The following HP1BP3 variants were observed in gnomAD, a reference collection of about 807,000 sequenced individuals.
The protein encoded by HP1BP3 is heterochromatin protein 1-binding protein 3.
Under a neutral mutation model 62.5 loss-of-function variants are expected in HP1BP3, and 12 were observed. The ratio of observed to expected loss-of-function variants is 0.19; its 90% CI spans 0.12 to 0.31. The LOEUF is 0.31. Among genes scored for constraint, HP1BP3 ranks in the 10% least tolerant of loss-of-function variants. HP1BP3 has a pLI of 1.00. For missense variants in HP1BP3, 502 were observed against 651.8 expected, an observed-to-expected ratio of 0.77 and a Z score of 2.50; for synonymous variants, 260 against 237.8, an observed-to-expected ratio of 1.09 and a Z score of -0.86.
rs2057495517 is a variant in HP1BP3, at chr1:20,780,473, C to T, written c.-33G>A. ...AATTTCTAGGCCCGAGTACAGGTTA[C>T]ACTCTGAAGCCTCTGCTGTTAACCA... On this transcript the variant is annotated 5_prime_UTR_variant, in exon 2 of 13. Coordinates refer to ENST00000438032, the MANE Select transcript of HP1BP3 (RefSeq NM_001372052.1). 1.4e-6 allele frequency: 2 copies of T among 1,428,686 alleles called. No individual in the cohort carries two copies. Among genetic ancestry groups the T allele is most frequent in the African/African-American group, 2.8e-5 (2 of 71,350 alleles). 88.5% of individuals were successfully genotyped at this position (1,428,686 alleles called of 1,614,324 possible).
At chr1:20,778,901 T>C (rs992067658) in intron 3 of HP1BP3, among the ~76,000 whole-genome samples, 1 of 152,040 alleles carries the variant, frequency 6.6e-6, no homozygotes, top group African/African-American at 2.4e-5. Flanking sequence ...GCAATTCTTG[T>C]GCCTCAGCCT....
chr1:20,744,997 G>A lies in HP1BP3; in HGVS notation c.1462C>T (p.Arg488Trp), dbSNP rs768170754. 17 of 1,614,158 alleles carry A rather than the reference G, an allele frequency of 1.1e-5. No homozygotes were observed. Among genetic ancestry groups the A allele is most frequent in the Admixed American group, 1.7e-5 (1 of 60,020 alleles). The change falls in exon 13 of 13, where the codon CGG becomes TGG. Residue 488 changes from arginine (R) to tryptophan (W), a missense_variant. Arg to Trp is a moderately radical substitution (Grantham distance 101). This residue lies in a region of HP1BP3 where 194 missense variants were observed against 207.0 expected (regional missense o/e 0.94). Transcript: ENST00000438032. ...TTAGGCAAGGGCCTAGCTTTCCCCC[G>A]CTGGGCAGCTGAGACTTTAGGTGCA... ...KPAPKVSAAQ[R>W]GKARPLPKKA...
intron 8 of HP1BP3, among the ~76,000 whole-genome samples, chr1:20,758,629 A>C (rs1288675047): frequency 1.3e-5 from 2 of 148,178 alleles, no homozygotes; most frequent in Non-Finnish European, 3.0e-5. Flanking sequence ...TACAGGTGTG[A>C]GCCACCACAC....
intron 8 of HP1BP3, among the ~76,000 whole-genome samples, chr1:20,761,541 A>AACAG (rs145245422): frequency 6.6e-6 from 1 of 152,048 alleles, no homozygotes; most frequent in Non-Finnish European, 1.5e-5. Context: ...AGTGGGGATC[A>AACAG]TTAAATGTTT....
At chr1:20,765,346 A>G (rs1178752204) in intron 8 of HP1BP3, 31 bp downstream of exon 8, 6 of 1,489,994 alleles carry the variant, frequency 4.0e-6, no homozygotes. Context: ...GTAACACATC[A>G]TGTTTTAAAG....
intron 3 of HP1BP3, among the ~76,000 whole-genome samples, chr1:20,778,309 C>A (rs934309813): frequency 6.6e-6 from 1 of 152,150 alleles, no homozygotes; most frequent in African/African-American, 2.4e-5. Flanking sequence ...ATAGAGTTTA[C>A]AAAATTTAAA....
intron 9 of HP1BP3, 143 bp from the exon 10 acceptor site, chr1:20,750,025 T>C: frequency 7.0e-7 from 1 of 1,422,656 alleles, no homozygotes; most frequent in Non-Finnish European, 9.2e-7. Context: ...TTAGGGACTT[T>C]CTCTTCCCAT....
chr1:20,777,606 G>A (rs916154695), intron 3 of HP1BP3, among the ~76,000 whole-genome samples: 14 of 151,958 alleles, frequency 9.2e-5, no homozygotes, highest in African/African-American at 2.9e-4. Context: ...CTACAGGTGC[G>A]TGCCGCCATG....
Position 20,745,053 on chromosome 1 carries a change from G to A in HP1BP3, c.1406C>T (p.Ala469Val). The part of the protein sequence containing the change: ...KKTPAKSPGK[A>V]ASVKQRGSKP... ...GGACCCTCTCTGCTTCACAGATGCG[G>A]CCTTCCCTGGGGACTTGGCTGGGGT... Residue 469 changes from alanine (A) to valine (V), a missense_variant, in exon 13 of 13, where the codon GCC becomes GTC. Around this residue, in one of 5 missense-constraint regions of HP1BP3, gnomAD observed 194 missense variants for 207.0 expected, o/e 0.94. Transcript: ENST00000438032. The A allele has an allele frequency of 6.2e-7, 1 of 1,613,336 alleles. No homozygotes were observed. Among genetic ancestry groups the A allele is most frequent in the Non-Finnish European group, 8.5e-7 (1 of 1,179,780 alleles).
At chr1:20,781,527 T>C (rs760459395) in intron 1 of HP1BP3, among the ~76,000 whole-genome samples, 3 of 152,222 alleles carry the variant, frequency 2.0e-5, no homozygotes, top group Non-Finnish European at 2.9e-5. Flanking sequence ...GACTTGTCAA[T>C]TGTCAGTCAG....
chr1:20,741,925 T>C lies in HP1BP3; in HGVS notation c.*2872A>G, dbSNP rs879286615. Among the ~76,000 whole-genome samples the C allele has an allele frequency of 2.6e-5, 4 of 152,250 alleles. No homozygotes were observed. Among genetic ancestry groups the C allele is most frequent in the Non-Finnish European group, 5.9e-5 (4 of 68,046 alleles). On this transcript the variant is annotated 3_prime_UTR_variant, in exon 13 of 13. Coordinates refer to ENST00000438032, the MANE Select transcript of HP1BP3 (RefSeq NM_001372052.1). ...ATGCCTGGAAGGGAAAAATCAAACA[T>C]TCTTTTATCTCAATGTAAGTAAGGC...
intron 1 of HP1BP3, among the ~76,000 whole-genome samples, chr1:20,781,780 C>T (rs2057562098): frequency 6.6e-6 from 1 of 152,150 alleles, no homozygotes. Flanking sequence ...GCATGCGCCA[C>T]CATGCCCAGC....
chr1:20,762,494 CT>C (rs1222954066), intron 8 of HP1BP3, among the ~76,000 whole-genome samples: 1 of 152,100 alleles, frequency 6.6e-6, no homozygotes, highest in African/African-American at 2.4e-5. Flanking sequence ...TTGGGATCCC[CT>C]AATCACAAAC....
intron 9 of HP1BP3, chr1:20,750,325 ACAC>A (rs1557638833): frequency 5.0e-4 from 1 of 2,008 alleles, no homozygotes; most frequent in Non-Finnish European, 9.0e-4. Flanking sequence ...TACTAAAAAC[ACAC>A]ACACACACAC....
chr1:20,751,743 A>G (rs2055767785), intron 9 of HP1BP3, among the ~76,000 whole-genome samples: 1 of 138,280 alleles, frequency 7.2e-6, no homozygotes, highest in African/African-American at 2.5e-5. Context: ...TAATAAACTA[A>G]AAAAAAAAAA....
chr1:20,753,501 T>C (rs1438831969), intron 9 of HP1BP3, among the ~76,000 whole-genome samples: 1 of 152,228 alleles, frequency 6.6e-6, no homozygotes, highest in East Asian at 1.9e-4. Flanking sequence ...ACACCAATGA[T>C]TGTAATTTTT....
Position 20,743,267 on chromosome 1 carries a change from A to G in HP1BP3, c.*1530T>C, listed in dbSNP as rs2055137205. The G allele has an allele frequency of 6.6e-6, 1 of 152,666 alleles. No homozygotes were observed. Among genetic ancestry groups the G allele is most frequent in the African/African-American group, 2.4e-5 (1 of 41,468 alleles). 9.5% of individuals were successfully genotyped at this position (152,666 alleles called of 1,614,324 possible). On this transcript the variant is annotated 3_prime_UTR_variant, in exon 13 of 13. Coordinates refer to ENST00000438032, the MANE Select transcript of HP1BP3 (RefSeq NM_001372052.1). The stretch of plus-strand genomic sequence containing the variant: ...GTATATTTTTCCACTTAACATTTCT[A>G]CATTAGCAATGATGTAACTCTCCAA...
chr1:20,752,092 T>C (rs1293024700), intron 9 of HP1BP3, among the ~76,000 whole-genome samples: 3 of 151,882 alleles, frequency 2.0e-5, no homozygotes, highest in Non-Finnish European at 1.5e-5. Flanking sequence ...AAACCCCATC[T>C]CTACTAAAAA....
intron 7 of HP1BP3, among the ~76,000 whole-genome samples, chr1:20,766,430 A>G (rs1461301111): frequency 1.3e-5 from 2 of 152,358 alleles, no homozygotes; most frequent in Admixed American, 1.3e-4. Context: ...AAAAAAGGAT[A>G]AAAAGCTTCA....
Sources: allele counts gnomAD v4.1 joint callset (sites outside exome capture counted in the v4.1 genomes callset), GRCh38; gene constraint gnomAD v4.1.1; regional missense constraint gnomAD v4.1.1; transcripts MANE v1.5; gene names NCBI Gene and HGNC (gene_info 2026-07-23, HGNC 2026-07-21).